Variants in DNAAF5 observed in about 807,000 individuals in gnomAD.
The protein encoded by DNAAF5 is HEAT repeat containing 2.
A neutral mutation model predicts 75.8 loss-of-function variants in DNAAF5; 64 were observed. The observed-to-expected ratio is 0.84, with a 90% CI of 0.69 to 1.04. The LOEUF (loss-of-function observed/expected upper bound fraction) is 1.04, where lower values mean the gene tolerates loss of function less well. Among genes scored for constraint, DNAAF5 ranks in the 50% least tolerant of loss-of-function variants. The probability of loss-of-function intolerance (pLI) is 0.00; values close to 1 mark genes in which losing one functional copy is unlikely to be tolerated. For synonymous variants in DNAAF5, 657 were observed against 557.2 expected (o/e 1.18, Z -2.52); for missense variants, 1,269 against 1,178.5 (o/e 1.08, Z -1.12).
At chr7:761,123 A>C (rs1401510845) in intron 6 of DNAAF5, among the ~76,000 whole-genome samples, 1 of 152,252 alleles carries the variant, frequency 6.6e-6, no homozygotes, top group Admixed American at 6.5e-5. Context: ...TCTCCACCAC[A>C]TAGCTCAAGT....
At chr7:747,008 C>A (rs1354067819) in intron 4 of DNAAF5, among the ~76,000 whole-genome samples, 2 of 152,254 alleles carry the variant, frequency 1.3e-5, no homozygotes, top group Non-Finnish European at 2.9e-5. Flanking sequence ...CGTTCCCTCC[C>A]GTGGATGGAC....
At chr7:766,207 CG>C (rs1419315073) in intron 8 of DNAAF5, among the ~76,000 whole-genome samples, 1 of 152,208 alleles carries the variant, frequency 6.6e-6, no homozygotes. Context: ...TCTTGGGAGT[CG>C]GGGGCACAGC....
At chr7:768,533 G>A (rs1367072121) in intron 8 of DNAAF5, 3 of 152,304 alleles carry the variant, frequency 2.0e-5, no homozygotes, top group Non-Finnish European at 4.4e-5. Flanking sequence ...TGGTCCAGTG[G>A]AAGTGTCCGT....
Position 766,936 on chromosome 7 carries a change from T to C in DNAAF5, c.1783+2962T>C, listed in dbSNP as rs147628920. On this transcript the variant is annotated intron_variant, in intron 8 of 12. Coordinates refer to ENST00000297440, the MANE Select transcript of DNAAF5 (RefSeq NM_017802.4). Reference sequence around the variant, plus strand: ...CAGCCCTTCTAGTGATGAGGAAATATGAATTAAAGACTGTAGGGTCCCGCT... The same window carrying C: ...CAGCCCTTCTAGTGATGAGGAAATACGAATTAAAGACTGTAGGGTCCCGCT... 8.5e-5 allele frequency among the ~76,000 whole-genome samples: 13 copies of C among 152,076 alleles called. No individual in the cohort carries two copies. The East Asian group carries it at 2.5e-3, about 30-fold the overall frequency.
At position 727,099 on chromosome 7, in the gene DNAAF5, G is replaced by A. The variant is rs1384237045; in HGVS notation, c.379G>A (p.Gly127Ser). 4 of 1,074,696 alleles carry A rather than the reference G, an allele frequency of 3.7e-6. No homozygotes were observed. In the African/African-American group the frequency reaches 5.1e-5, roughly 14 times the overall value. The allele number at this position is 1,074,696 out of a possible 1,614,324, so 66.6% of individuals were successfully genotyped here. A position where few individuals can be genotyped will look rare whatever the true frequency, so the allele number is the denominator to read the frequency against. The part of the protein sequence containing the change: ...LLPALAARLA[G>S]PVPARRPPEA... Reference sequence around the variant, plus strand: ...GCCCGCGCTCGCCGCGCGCTTGGCCGGCCCCGTGCCCGCGCGCCGCCCGCC... The same window carrying A: ...GCCCGCGCTCGCCGCGCGCTTGGCCAGCCCCGTGCCCGCGCGCCGCCCGCC... The change falls in exon 1 of 13, where the codon GGC becomes AGC. Residue 127 changes from glycine (G) to serine (S), a missense_variant. Physicochemically the swap from Gly to Ser is moderately conservative, Grantham distance 56 (BLOSUM62 0). Transcript: ENST00000297440.
chr7:782,818 A>G (rs878893726), intron 12 of DNAAF5, among the ~76,000 whole-genome samples: 14 of 136,360 alleles, frequency 1.0e-4, no homozygotes, highest in African/African-American at 1.7e-4. Context: ...TCTTCCTGCC[A>G]TGGCCACCTC....
intron 7 of DNAAF5, 108 bp from the exon 8 acceptor site, chr7:763,698 C>G (rs748439159): frequency 2.5e-5 from 32 of 1,282,542 alleles, no homozygotes; most frequent in Non-Finnish European, 3.4e-5. Context: ...CCTGGCAGGC[C>G]CGGCCTGTGT....
At chr7:784,008 C>T (rs1779067858) in intron 12 of DNAAF5, among the ~76,000 whole-genome samples, 1 of 104,924 alleles carries the variant, frequency 9.5e-6, no homozygotes, top group Admixed American at 1.1e-4. Context: ...ACACAGATGC[C>T]CTGTACGCCG....
intron 5 of DNAAF5, among the ~76,000 whole-genome samples, chr7:756,195 G>T (rs1341988552): frequency 3.0e-5 from 4 of 132,084 alleles, no homozygotes; most frequent in African/African-American, 1.2e-4. Flanking sequence ...TGTGTGATCC[G>T]CTGTGGAATC....
At chr7:735,154 G>A (rs957512701) in intron 2 of DNAAF5, among the ~76,000 whole-genome samples, 1 of 149,426 alleles carries the variant, frequency 6.7e-6, no homozygotes, top group Admixed American at 6.7e-5. Context: ...ATTGCTCACG[G>A]TGTAGTTCAT....
chr7:765,568 T>G (rs917910946), intron 8 of DNAAF5, among the ~76,000 whole-genome samples: 5 of 152,214 alleles, frequency 3.3e-5, no homozygotes, highest in African/African-American at 1.2e-4. Flanking sequence ...GCATTTCTTA[T>G]GGTGTTGGCG....
Position 763,799 on chromosome 7 carries a change from C to T in DNAAF5, c.1615-7C>T, listed in dbSNP as rs1391677014. 1 of 1,612,770 alleles carries T rather than the reference C, an allele frequency of 6.2e-7. No homozygotes were observed. Among genetic ancestry groups the T allele is most frequent in the Non-Finnish European group, 8.5e-7 (1 of 1,179,838 alleles). On this transcript the variant is annotated splice_region_variant and splice_polypyrimidine_tract_variant and intron_variant, in intron 7 of 12. Transcript: ENST00000297440. Reference sequence around the variant, plus strand: ...AATTGTCTCAGTCTCTGACTTGTAACCTCCAGGCACAGGAGACGATGGACT... The same window carrying T: ...AATTGTCTCAGTCTCTGACTTGTAATCTCCAGGCACAGGAGACGATGGACT...
chr7:785,479 T>A (rs1165342980), intron 12 of DNAAF5, 38 bp from the exon 13 acceptor site: 2 of 1,601,440 alleles, frequency 1.2e-6, no homozygotes, highest in Non-Finnish European at 1.7e-6. Flanking sequence ...GTTTCATGTT[T>A]GTTTCTGGCA....
At chr7:738,617 C>G (rs892693182) in intron 2 of DNAAF5, among the ~76,000 whole-genome samples, 2 of 151,992 alleles carry the variant, frequency 1.3e-5, no homozygotes, top group Non-Finnish European at 2.9e-5. Flanking sequence ...CTTTTTTAAA[C>G]TCTTATATGG....
chr7:773,579 C>T (rs1177216945), intron 9 of DNAAF5, among the ~76,000 whole-genome samples: 3 of 152,122 alleles, frequency 2.0e-5, no homozygotes, highest in Non-Finnish European at 4.4e-5. Context: ...TCTGTGAAGC[C>T]GCAGCGACTG....
intron 12 of DNAAF5, among the ~76,000 whole-genome samples, chr7:783,539 T>C (rs1273390956): frequency 7.2e-5 from 11 of 152,128 alleles, no homozygotes; most frequent in Non-Finnish European, 1.5e-5. Flanking sequence ...TGGAATCAGG[T>C]TGTCAGCCAG....
chr7:728,125 T>C (rs1474408849), intron 1 of DNAAF5, among the ~76,000 whole-genome samples: 1 of 152,176 alleles, frequency 6.6e-6, no homozygotes, highest in Non-Finnish European at 1.5e-5. Context: ...CCATCTTTTT[T>C]AGAGCTCTGA....
intron 12 of DNAAF5, among the ~76,000 whole-genome samples, chr7:780,623 G>A (rs1040338754): frequency 6.6e-6 from 1 of 152,166 alleles, no homozygotes; most frequent in Non-Finnish European, 1.5e-5. Flanking sequence ...AGTGTAGTTG[G>A]ACAAAAGAAG....
chr7:741,051 G>T, intron 3 of DNAAF5, 108 bp downstream of exon 3: 1 of 1,307,440 alleles, frequency 7.6e-7, no homozygotes, highest in South Asian at 1.3e-5. Flanking sequence ...GTGTCCCTTT[G>T]TCCCTGTGCT....
Sources: allele counts gnomAD v4.1 joint callset (sites outside exome capture counted in the v4.1 genomes callset), GRCh38; gene constraint gnomAD v4.1.1; transcripts MANE v1.5; gene names NCBI Gene and HGNC (gene_info 2026-07-23, HGNC 2026-07-21).